Variants in CACNA1A observed in about 807,000 individuals in gnomAD.
CACNA1A encodes the protein calcium voltage-gated channel subunit alpha1 A, also known as voltage-dependent P/Q-type calcium channel subunit alpha-1A.
In CACNA1A, 57 loss-of-function variants were observed where a neutral mutation model predicts 262.4. The ratio of observed to expected loss-of-function variants is 0.22; its 90% CI spans 0.18 to 0.27. The LOEUF is 0.27. Among genes scored for constraint, CACNA1A ranks in the 10% least tolerant of loss-of-function variants. The pLI is 1.00. For synonymous variants in CACNA1A, 1,431 were observed against 1,419.3 expected, an observed-to-expected ratio of 1.01 and a Z score of -0.18; for missense variants, 2,526 against 3,562.8, an observed-to-expected ratio of 0.71 and a Z score of 7.41.
chr19:13,307,896 G>A (rs993785893), intron 14 of CACNA1A, 42 bp from the exon 15 acceptor site: 1 of 1,559,008 alleles, frequency 6.4e-7, no homozygotes, highest in Non-Finnish European at 8.8e-7. Flanking sequence ...CCCCACCCGG[G>A]GTGCTCTGAG....
At chr19:13,247,316 G>A (rs1414145718) in intron 30 of CACNA1A, among the ~76,000 whole-genome samples, 1 of 152,260 alleles carries the variant, frequency 6.6e-6, no homozygotes, top group Non-Finnish European at 1.5e-5. Flanking sequence ...ACAGCAATCA[G>A]ACAATGAATG....
rs528705105 is a variant in CACNA1A, at chr19:13,241,129, T to TG, written c.4950+4052dup. Among the ~76,000 whole-genome samples, 266 of 152,176 alleles carry TG rather than the reference T, an allele frequency of 1.7e-3. No individual in the cohort carries two copies. Among genetic ancestry groups the TG allele is most frequent in the Non-Finnish European group, 2.6e-3 (179 of 67,988 alleles). On this transcript the variant is annotated intron_variant, in intron 31 of 46. Coordinates refer to ENST00000360228, the MANE Select transcript of CACNA1A (RefSeq NM_001127222.2). The surrounding 1 kb of genome is among the most constrained non-coding windows in gnomAD (Gnocchi z 4.0). ...CAGCTTTCCTGGGGCCTGGGGTCCA[T>TG]GGAGCTGAATGGGGGACAGGAGTGG... is the stretch of plus-strand genomic sequence containing the variant.
intron 3 of CACNA1A, among the ~76,000 whole-genome samples, chr19:13,420,254 C>T (rs759776474): frequency 2.0e-5 from 3 of 151,210 alleles, no homozygotes; most frequent in Non-Finnish European, 4.4e-5. Flanking sequence ...CAGAAAGGCT[C>T]GCTCTCTCTC....
chr19:13,461,501 T>C (rs1480126072), intron 1 of CACNA1A, among the ~76,000 whole-genome samples: 2 of 152,154 alleles, frequency 1.3e-5, no homozygotes, highest in African/African-American at 4.8e-5. Flanking sequence ...CCCCCTGAAA[T>C]ATGCAATGAT....
intron 38 of CACNA1A, among the ~76,000 whole-genome samples, chr19:13,223,623 C>T (rs753544747): frequency 1.3e-5 from 2 of 152,212 alleles, no homozygotes; most frequent in Non-Finnish European, 2.9e-5. Context: ...TCAGGTTCCT[C>T]CTCTGCTCTG....
chr19:13,487,495 G>A (rs771557252), intron 1 of CACNA1A, among the ~76,000 whole-genome samples: 1 of 152,070 alleles, frequency 6.6e-6, no homozygotes, highest in Non-Finnish European at 1.5e-5. Context: ...CTGGGGGAGC[G>A]GGGAGAGACA....
intron 24 of CACNA1A, among the ~76,000 whole-genome samples, chr19:13,270,633 C>A (rs2056994131): frequency 6.6e-6 from 1 of 152,202 alleles, no homozygotes; most frequent in Admixed American, 6.5e-5. Flanking sequence ...GGTTTTCTAG[C>A]AGTTTGGCTC....
chr19:13,285,721 C>T (rs2057382962), intron 20 of CACNA1A, among the ~76,000 whole-genome samples: 1 of 152,086 alleles, frequency 6.6e-6, no homozygotes, highest in African/African-American at 2.4e-5. Flanking sequence ...GGGGGAGGAG[C>T]CATCAGCCTC....
chr19:13,286,554 C>G lies in CACNA1A; in HGVS notation c.3502G>C (p.Val1168Leu). 4.5e-6 allele frequency: 7 copies of G among 1,545,194 alleles called. No individual in the cohort carries two copies. Among genetic ancestry groups the G allele is most frequent in the Non-Finnish European group, 6.1e-6 (7 of 1,150,190 alleles). The change falls in exon 20 of 47, where the codon GTG becomes CTG. Residue 1168 changes from valine to leucine, a missense_variant. Val to Leu is a conservative substitution (Grantham distance 32). Around this residue, in one of 17 missense-constraint regions of CACNA1A, gnomAD observed 765 missense variants for 748.6 expected, o/e 1.02. Coordinates refer to ENST00000360228, the MANE Select transcript of CACNA1A (RefSeq NM_001127222.2). Reference sequence around the variant, plus strand: ...GGTGGGCAGGCTGGGGGGATGTCCACTGTGGTGTGGTCGGGTTTCCTGGCA... The same window carrying G: ...GGTGGGCAGGCTGGGGGGATGTCCAGTGTGGTGTGGTCGGGTTTCCTGGCA... Reference protein sequence around the residue: ...KTARKPDHTTVDIPPACPPPL... With the variant: ...KTARKPDHTTLDIPPACPPPL...
At chr19:13,425,167 A>G (rs1320681529) in intron 3 of CACNA1A, among the ~76,000 whole-genome samples, 1 of 152,168 alleles carries the variant, frequency 6.6e-6, no homozygotes, top group African/African-American at 2.4e-5. Flanking sequence ...GAAAACGATG[A>G]CAAATCCTGC....
rs1446320290 is a variant in CACNA1A at position 13,214,503 on chromosome 19, T to G, written c.5837A>C (p.Lys1946Thr). 1 of 1,611,794 alleles carries G rather than the reference T, an allele frequency of 6.2e-7. No individual in the cohort carries two copies. Among genetic ancestry groups the G allele is most frequent in the Non-Finnish European group, 8.5e-7 (1 of 1,178,002 alleles). Residue 1946 changes from lysine to threonine, a missense_variant and splice_region_variant, in exon 39 of 47, where the codon AAG becomes ACG. Physicochemically the swap from Lys to Thr is moderately conservative, Grantham distance 78. Around this residue, in one of 17 missense-constraint regions of CACNA1A, gnomAD observed 112 missense variants for 197.2 expected, o/e 0.57. Transcript: ENST00000360228. The surrounding 1 kb of genome is among the most constrained non-coding windows in gnomAD (Gnocchi z 4.1). ...CCAGGGCTGGGCTCAGCTCTTACACTTGTGAGGTGTGACCAGCAGGTCTAG... is the reference window on the plus strand; with the variant it reads ...CCAGGGCTGGGCTCAGCTCTTACACGTGTGAGGTGTGACCAGCAGGTCTAG... ...KTLDLLVTPHKSTDLTVGKIY... is the reference protein window; with the variant it reads ...KTLDLLVTPHTSTDLTVGKIY...
rs773150609 is a variant in CACNA1A, at chr19:13,241,560, G to A, written c.4950+3622C>T. 5 of 1,220,486 alleles carry A rather than the reference G, an allele frequency of 4.1e-6. No homozygotes were observed. The highest frequency in any genetic ancestry group is 5.8e-6 in the Non-Finnish European group (5 of 855,562). The allele number at this position is 1,220,486 out of a possible 1,614,324, so 75.6% of individuals were successfully genotyped here. On this transcript the variant is annotated intron_variant, in intron 31 of 46. Transcript: ENST00000360228. This position sits in a 1 kb window ranked among gnomAD's most constrained non-coding sequence, Gnocchi z 4.0. ...AGATGTTGAAGATGAGGGGGAGCGG[G>A]CGGGCGGGGGCAGTTGGGGAGGCGT... is the stretch of plus-strand genomic sequence containing the variant.
chr19:13,329,970 C>G (rs1371685008), intron 10 of CACNA1A, among the ~76,000 whole-genome samples: 1 of 152,172 alleles, frequency 6.6e-6, no homozygotes, highest in Non-Finnish European at 1.5e-5. Flanking sequence ...CAAACATTCA[C>G]CAACTTGACT....
At chr19:13,210,078 TG>T (rs1456807468) in intron 44 of CACNA1A, among the ~76,000 whole-genome samples, 4 of 137,712 alleles carry the variant, frequency 2.9e-5, no homozygotes, top group South Asian at 4.6e-4. Context: ...GAGCTCTGGG[TG>T]GGGGTGGGGG....
intron 19 of CACNA1A, among the ~76,000 whole-genome samples, chr19:13,292,065 C>G (rs1358221668): frequency 6.6e-6 from 1 of 152,158 alleles, no homozygotes; most frequent in Non-Finnish European, 1.5e-5. Context: ...TGGGAGAAGG[C>G]ACTGCCTGGT....
intron 38 of CACNA1A, among the ~76,000 whole-genome samples, chr19:13,217,524 C>T (rs2055060042): frequency 6.6e-6 from 1 of 152,142 alleles, no homozygotes; most frequent in African/African-American, 2.4e-5. Context: ...CCTTCCGTAA[C>T]CCCGAGAGCC....
At chr19:13,353,383 C>G (rs1190970497) in intron 6 of CACNA1A, among the ~76,000 whole-genome samples, 1 of 151,208 alleles carries the variant, frequency 6.6e-6, no homozygotes, top group African/African-American at 2.4e-5. Context: ...CCACCCATCT[C>G]AGACTCCCAA....
intron 19 of CACNA1A, among the ~76,000 whole-genome samples, chr19:13,296,142 T>C (rs887931957): frequency 6.6e-6 from 1 of 152,224 alleles, no homozygotes; most frequent in African/African-American, 2.4e-5. Context: ...ACCAGTAGTA[T>C]CAGCCTCATC....
In CACNA1A at chr19:13,250,380, T is replaced by TTTTAA. The variant is rs1237878215; in HGVS notation, c.4866+2606_4866+2610dup. 1.7e-3 allele frequency among the ~76,000 whole-genome samples: 250 copies of TTTTAA among 149,690 alleles called. 2 individuals are homozygous for TTTTAA. The highest frequency in any genetic ancestry group is 5.5e-3 in the African/African-American group (222 of 40,666). On this transcript the variant is annotated intron_variant, in intron 30 of 46. Transcript: ENST00000360228. ...CAGCCCCCAATTTTTTAAAAAATAA[T>TTTTAA]TTTAATTTAATTTAATTTAATTTAT...
Sources: gnomAD v4.1 joint callset for allele counts (sites outside exome capture counted in the v4.1 genomes callset) on GRCh38, gnomAD v4.1.1 for gene constraint, gnomAD v4.1.1 regional missense constraint, Gnocchi (gnomAD v3.1) non-coding constraint, MANE v1.5 for transcripts, NCBI Gene and HGNC (gene_info 2026-07-23, HGNC 2026-07-21) for gene names.